Variants in DAB1 observed in about 807,000 individuals in gnomAD.
DAB1 encodes the protein DAB adaptor protein 1, also known as disabled homolog 1.
DAB1 carries 15 observed loss-of-function variants against 64.6 expected under a neutral mutation model. The ratio of observed to expected loss-of-function variants is 0.23; its 90% CI spans 0.16 to 0.36. The LOEUF is 0.36. Ranked by LOEUF, DAB1 falls within the 10% of genes least tolerant of loss-of-function variation. DAB1 has a pLI of 1.00. For missense variants in DAB1, 596 were observed against 706.7 expected, an observed-to-expected ratio of 0.84 and a Z score of 1.78; for synonymous variants, 235 against 251.9, an observed-to-expected ratio of 0.93 and a Z score of 0.64.
chr1:58,225,218 T>C (rs1187598489), intron 4 of DAB1, among the ~76,000 whole-genome samples: 1 of 151,792 alleles, frequency 6.6e-6, no homozygotes, highest in African/African-American at 2.4e-5. Context: ...AAAATGCTCA[T>C]CATCACTGGC....
chr1:57,785,827 G>T (rs1043192748), intron 6 of DAB1, among the ~76,000 whole-genome samples: 1 of 152,188 alleles, frequency 6.6e-6, no homozygotes, highest in African/African-American at 2.4e-5. Context: ...AAACTTGATT[G>T]ATGAAGCAGT....
chr1:58,465,249 C>G (rs1645282932), intron 3 of DAB1, among the ~76,000 whole-genome samples: 1 of 152,172 alleles, frequency 6.6e-6, no homozygotes, highest in African/African-American at 2.4e-5. Context: ...ACACCACTGG[C>G]CACCAAGCCA....
chr1:57,565,398 G>T (rs1466975821), intron 7 of DAB1, among the ~76,000 whole-genome samples: 2 of 152,116 alleles, frequency 1.3e-5, no homozygotes, highest in South Asian at 4.1e-4. Flanking sequence ...ACATCATAAC[G>T]ACAGGATCAA....
At chr1:58,543,497 G>A (rs1220700617) in intron 1 of DAB1, among the ~76,000 whole-genome samples, 2 of 151,978 alleles carry the variant, frequency 1.3e-5, no homozygotes, top group African/African-American at 2.4e-5. Flanking sequence ...GTGGTCTTAT[G>A]GTGTTGATCA....
chr1:57,011,096 G>C, intron 13 of DAB1, 49 bp downstream of exon 13: 1 of 1,610,330 alleles, frequency 6.2e-7, no homozygotes, highest in Non-Finnish European at 8.5e-7. Flanking sequence ...AGTTACAGAG[G>C]TCTTAATTTT....
upstream of DAB1, among the ~76,000 whole-genome samples, chr1:57,888,904 T>C (rs148804390): frequency 2.2e-3 from 342 of 152,352 alleles, 3 homozygotes; most frequent in African/African-American, 7.9e-3. Context: ...CAGATTCTCC[T>C]ACACTCACTC....
At chr1:57,827,859 G>C (rs374512391) in intron 1 of DAB1, among the ~76,000 whole-genome samples, 3 of 152,164 alleles carry the variant, frequency 2.0e-5, no homozygotes, top group African/African-American at 7.2e-5. Flanking sequence ...ACCTTGCTCC[G>C]GGTCCTATAC....
chr1:58,431,092 A>G (rs1207886833), intron 3 of DAB1, among the ~76,000 whole-genome samples: 1 of 152,186 alleles, frequency 6.6e-6, no homozygotes, highest in African/African-American at 2.4e-5. Flanking sequence ...TAGTGACTGG[A>G]TTTGGGAACT....
chr1:58,141,546 T>C (rs1654288136), intron 5 of DAB1, among the ~76,000 whole-genome samples: 1 of 152,098 alleles, frequency 6.6e-6, no homozygotes, highest in Non-Finnish European at 1.5e-5. Context: ...TGGCCAGATC[T>C]CATGTGAACT....
chr1:58,297,817 A>C (rs1188589960), intron 4 of DAB1, among the ~76,000 whole-genome samples: 1 of 152,206 alleles, frequency 6.6e-6, no homozygotes, highest in Non-Finnish European at 1.5e-5. Context: ...ATATAGTAGA[A>C]GCAGGTTGAA....
rs571697266 is a variant in DAB1, at chr1:57,975,117, A to G, written n.388-90955T>C. 6.6e-5 allele frequency among the ~76,000 whole-genome samples: 10 copies of G among 152,256 alleles called. No homozygotes were observed. In the South Asian group the frequency reaches 1.5e-3, roughly 22 times the overall value. ...TGAAGTTGGAGCCCTCATGAATAGG[A>G]TTAGTGCCTTTACCTTTAAAAGACA... On this transcript the variant is annotated intron_variant and non_coding_transcript_variant, in intron 5 of 20. Coordinates refer to the DAB1 transcript ENST00000485760.
intron 5 of DAB1, among the ~76,000 whole-genome samples, chr1:58,024,295 A>C (rs1275357402): frequency 6.6e-6 from 1 of 152,146 alleles, no homozygotes; most frequent in Non-Finnish European, 1.5e-5. Flanking sequence ...ATCACAAAAG[A>C]AGCTCGGGGT....
At chr1:58,501,424 G>T (rs1431263498) in intron 3 of DAB1, among the ~76,000 whole-genome samples, 1 of 152,146 alleles carries the variant, frequency 6.6e-6, no homozygotes, top group African/African-American at 2.4e-5. Context: ...CACTCCTCCA[G>T]TCCTCTGCTC....
chr1:58,268,565 T>G (rs1661231167), intron 4 of DAB1, among the ~76,000 whole-genome samples: 1 of 152,278 alleles, frequency 6.6e-6, no homozygotes, highest in African/African-American at 2.4e-5. Context: ...GAATGAGATC[T>G]GAAATAATAT....
chr1:57,687,520 A>C (rs1201661320), intron 6 of DAB1, among the ~76,000 whole-genome samples: 1 of 151,426 alleles, frequency 6.6e-6, no homozygotes, highest in Admixed American at 6.6e-5. Context: ...ACCATTTTTC[A>C]CAGAATTAGA....
At chr1:58,033,382 G>A (rs1483568196) in intron 5 of DAB1, among the ~76,000 whole-genome samples, 1 of 152,134 alleles carries the variant, frequency 6.6e-6, no homozygotes, top group African/African-American at 2.4e-5. Context: ...TATCAGATAA[G>A]CACCATACAA....
intron 1 of DAB1, among the ~76,000 whole-genome samples, chr1:57,312,728 AC>A (rs1195613097): frequency 6.7e-6 from 1 of 149,622 alleles, no homozygotes; most frequent in African/African-American, 2.5e-5. Context: ...ATTCACACTG[AC>A]CTCTCGGTGT....
chr1:58,029,708 T>C (rs2100476155), intron 5 of DAB1, among the ~76,000 whole-genome samples: 1 of 152,330 alleles, frequency 6.6e-6, no homozygotes, highest in African/African-American at 2.4e-5. Flanking sequence ...GGAAAAATAT[T>C]GATGCATAAA....
rs2144754 is a variant in DAB1 at position 57,935,352 on chromosome 1, C to T, written n.388-51190G>A. Among the ~76,000 whole-genome samples, 202 of 152,122 alleles carry T rather than the reference C, an allele frequency of 1.3e-3. 1 individual carries two copies. The highest frequency in any genetic ancestry group is 2.1e-3 in the Non-Finnish European group (144 of 68,014). On this transcript the variant is annotated intron_variant and non_coding_transcript_variant, in intron 5 of 20. Coordinates refer to the DAB1 transcript ENST00000485760. Reference sequence around the variant, plus strand: ...ATAGATACCTCATGGAGATTTTGTGCGAATTAATTGAGGTTAACAACTGTA... The same window carrying T: ...ATAGATACCTCATGGAGATTTTGTGTGAATTAATTGAGGTTAACAACTGTA...
Sources: gnomAD v4.1 joint callset for allele counts (sites outside exome capture counted in the v4.1 genomes callset) on GRCh38, gnomAD v4.1.1 for gene constraint, MANE v1.5 for transcripts, NCBI Gene and HGNC (gene_info 2026-07-23, HGNC 2026-07-21) for gene names.